Variants in CRTC3 observed in about 807,000 individuals in gnomAD.
CRTC3 encodes the protein CREB regulated transcription coactivator 3, also known as CREB-regulated transcription coactivator 3.
In CRTC3, 26 loss-of-function variants were observed where a neutral mutation model predicts 74.5. That is an observed-to-expected ratio of 0.35 (90% CI 0.26 to 0.48). CRTC3 has a LOEUF of 0.48. CRTC3 is among the 20% of genes least tolerant of loss of function. The pLI is 0.99. For synonymous variants in CRTC3, 377 were observed against 325.8 expected, an observed-to-expected ratio of 1.16 and a Z score of -1.69; for missense variants, 760 against 787.3, an observed-to-expected ratio of 0.97 and a Z score of 0.41.
Position 90,604,452 on chromosome 15 carries a change from A to G in CRTC3, c.476+5A>G. 1.9e-6 allele frequency: 3 copies of G among 1,610,334 alleles called. No homozygotes were observed. The highest frequency in any genetic ancestry group is 1.7e-6 in the Non-Finnish European group (2 of 1,176,506). On this transcript the variant is annotated splice_donor_5th_base_variant and intron_variant, in intron 5 of 14. Transcript: ENST00000268184. The stretch of plus-strand genomic sequence containing the variant: ...GCTGACATCTGCACTTAACAGGTAC[A>G]TGGGTTGTTTCCTGGTAGGAGTAGA...
Position 90,588,765 on chromosome 15 carries a change from G to A in CRTC3, c.232-4871G>A, listed in dbSNP as rs114008995. Among the ~76,000 whole-genome samples the A allele has an allele frequency of 9.5e-3, 1,445 of 152,224 alleles. 24 individuals are homozygous for A. Among genetic ancestry groups the A allele is most frequent in the African/African-American group, 0.032 (1,334 of 41,530 alleles). The stretch of plus-strand genomic sequence containing the variant: ...TAGTGATGCTGCTGCTCCTGACCAC[G>A]AAAGGACTCTGCAGGTCAGCCCCAC... On this transcript the variant is annotated intron_variant, in intron 2 of 14. Coordinates refer to ENST00000268184, the MANE Select transcript of CRTC3 (RefSeq NM_022769.5).
chr15:90,544,265 T>C (rs1212834782), intron 2 of CRTC3, among the ~76,000 whole-genome samples: 3 of 152,212 alleles, frequency 2.0e-5, no homozygotes, highest in Non-Finnish European at 4.4e-5. Context: ...TGTTTGTCTG[T>C]GTCTGTGTTT....
At position 90,538,986 on chromosome 15, in the gene CRTC3, G is replaced by A. The variant is rs144330846; in HGVS notation, c.133-1053G>A. On this transcript the variant is annotated intron_variant, in intron 1 of 14. Transcript: ENST00000268184. ...ACAGTCTCATTTGCATGGTTGTGGGGAGGATTAGGGATGAAGTGGGCCAAG... is the reference window on the plus strand; with the variant it reads ...ACAGTCTCATTTGCATGGTTGTGGGAAGGATTAGGGATGAAGTGGGCCAAG... Among the ~76,000 whole-genome samples, 486 of 152,278 alleles carry A rather than the reference G, an allele frequency of 3.2e-3. 3 individuals are homozygous for A. Among genetic ancestry groups the A allele is most frequent in the African/African-American group, 0.011 (467 of 41,550 alleles).
In CRTC3 at chr15:90,593,719, C is replaced by G. The variant is rs372193856; in HGVS notation, c.315C>G (p.Pro105=). The G allele has an allele frequency of 6.8e-6, 11 of 1,610,472 alleles. No homozygotes were observed. Among genetic ancestry groups the G allele is most frequent in the Admixed American group, 6.7e-5 (4 of 59,910 alleles). Residue 105 remains proline, a synonymous_variant, in exon 3 of 15, where the codon CCC becomes CCG. Coordinates refer to ENST00000268184, the MANE Select transcript of CRTC3 (RefSeq NM_022769.5). ...GGCCATCCAGGAACCGCTTCCACCC[C>G]CTCCACCGAAGGTCTGGGGACAAGC... ...VERPSRNRFH[P]LHRRSGDKPG...
At chr15:90,588,177 T>C in intron 2 of CRTC3, among the ~76,000 whole-genome samples, 1 of 151,206 alleles carries the variant, frequency 6.6e-6, no homozygotes, top group East Asian at 2.0e-4. Flanking sequence ...GGAGAATTGC[T>C]CGAACTTGGG....
chr15:90,611,872 G>T (rs146642798), intron 6 of CRTC3, among the ~76,000 whole-genome samples: 3,167 of 152,158 alleles, frequency 0.021, 114 homozygotes, highest in African/African-American at 0.072. Flanking sequence ...CTCTGATCAT[G>T]TCACTTCTCC....
At chr15:90,619,158 T>C (rs1239914532) in intron 8 of CRTC3, among the ~76,000 whole-genome samples, 1 of 152,250 alleles carries the variant, frequency 6.6e-6, no homozygotes, top group Non-Finnish European at 1.5e-5. Context: ...GAAATGTTTA[T>C]TTAAAAGCTC....
intron 2 of CRTC3, among the ~76,000 whole-genome samples, chr15:90,572,161 CAAA>C (rs56906718): frequency 0.61 from 76,120 of 124,284 alleles, 21,982 homozygotes; most frequent in South Asian, 0.7. Context: ...GATTCTTTCT[CAAA>C]AAAAAAAAAA....
chr15:90,539,983 G>T (rs940593643), intron 1 of CRTC3, 56 bp from the exon 2 acceptor site: 9 of 1,152,860 alleles, frequency 7.8e-6, no homozygotes, highest in Non-Finnish European at 1.0e-5. Context: ...ATACTTTGAT[G>T]CTTCTTTAGA....
Position 90,602,377 on chromosome 15 carries a change from T to A in CRTC3, c.405T>A (p.Ser135Arg). ...ANYSSQPLDE[S>R]WPRQQPPWKD... is the part of the protein sequence containing the mutation. Reference sequence around the variant, plus strand: ...ATTCCTCACAGCCTCTGGATGAGAGTTGGCCAAGGTAAGCAAGACATACTT... The same window carrying A: ...ATTCCTCACAGCCTCTGGATGAGAGATGGCCAAGGTAAGCAAGACATACTT... Residue 135 changes from serine to arginine, a missense_variant, in exon 4 of 15, where the codon AGT (serine) becomes AGA (arginine). Physicochemically the swap from Ser to Arg is moderately radical, Grantham distance 110. This residue lies in a region of CRTC3 where 652 missense variants were observed against 635.2 expected (regional missense o/e 1.03). Transcript: ENST00000268184. 2 of 1,583,654 alleles carry A rather than the reference T, an allele frequency of 1.3e-6. No homozygotes were observed. Among genetic ancestry groups the A allele is most frequent in the Non-Finnish European group, 1.7e-6 (2 of 1,153,052 alleles).
At chr15:90,594,401 CATTG>C (rs1967871039) in intron 3 of CRTC3, 1 of 152,290 alleles carries the variant, frequency 6.6e-6, no homozygotes, top group South Asian at 2.1e-4. Context: ...GTGTGACCAG[CATTG>C]TGCCGAAGGC....
chr15:90,545,343 C>G (rs1966842391), intron 2 of CRTC3, among the ~76,000 whole-genome samples: 1 of 151,590 alleles, frequency 6.6e-6, no homozygotes, highest in South Asian at 2.1e-4. Flanking sequence ...GCTTTCCATT[C>G]TTTTGGGTAC....
intron 1 of CRTC3, among the ~76,000 whole-genome samples, chr15:90,537,065 G>T (rs530667949): frequency 6.6e-6 from 1 of 152,302 alleles, no homozygotes; most frequent in African/African-American, 2.4e-5. Context: ...TGTGACCTCG[G>T]CCTTAGGCTA....
At chr15:90,608,262 T>A (rs1968276717) in intron 6 of CRTC3, among the ~76,000 whole-genome samples, 2 of 152,134 alleles carry the variant, frequency 1.3e-5, no homozygotes, top group Non-Finnish European at 2.9e-5. Flanking sequence ...GCTCTCCCAC[T>A]TAAAATCCTC....
intron 8 of CRTC3, among the ~76,000 whole-genome samples, chr15:90,618,431 T>C (rs749821406): frequency 2.0e-5 from 3 of 152,348 alleles, no homozygotes; most frequent in African/African-American, 4.8e-5. Flanking sequence ...TCATCTGTTT[T>C]ACTATGATTT....
intron 9 of CRTC3, among the ~76,000 whole-genome samples, chr15:90,623,116 C>G: frequency 6.6e-6 from 1 of 152,248 alleles, no homozygotes; most frequent in South Asian, 2.1e-4. Context: ...CTAGTCAGGC[C>G]GGCCACTTTA....
rs188086982 is a variant in CRTC3, at chr15:90,603,185, T to C, written c.413+800T>C. 2.5e-3 allele frequency among the ~76,000 whole-genome samples: 388 copies of C among 152,202 alleles called. 3 individuals are homozygous for C. Among genetic ancestry groups the C allele is most frequent in the Non-Finnish European group, 4.5e-3 (309 of 68,012 alleles). On this transcript the variant is annotated intron_variant, in intron 4 of 14. Transcript: ENST00000268184. The stretch of plus-strand genomic sequence containing the variant: ...TTGGCCAGGCACGGTGGCTCATGCC[T>C]GTAATCCCAGCACTTTGGGAGGCCA...
chr15:90,634,302 C>T (rs1443466581), intron 11 of CRTC3, among the ~76,000 whole-genome samples: 6 of 151,990 alleles, frequency 3.9e-5, no homozygotes, highest in South Asian at 2.1e-4. Context: ...TTAGTAGAGA[C>T]GGGATTTCAC....
At chr15:90,560,320 A>G (rs541085548) in intron 2 of CRTC3, among the ~76,000 whole-genome samples, 21 of 152,332 alleles carry the variant, frequency 1.4e-4, no homozygotes, top group African/African-American at 4.8e-4. Context: ...GTTCTACCAG[A>G]TTCTTGAAAG....
Sources: gnomAD v4.1 joint callset for allele counts (sites outside exome capture counted in the v4.1 genomes callset) on GRCh38, gnomAD v4.1.1 for gene constraint, gnomAD v4.1.1 regional missense constraint, MANE v1.5 for transcripts, NCBI Gene and HGNC (gene_info 2026-07-23, HGNC 2026-07-21) for gene names.